The following ZNF341 variants were observed in gnomAD, a reference collection of about 807,000 sequenced individuals.
ZNF341 encodes zinc finger protein 341.
In ZNF341, 52 loss-of-function variants were observed where a neutral mutation model predicts 87.7. The ratio of observed to expected loss-of-function variants is 0.59; its 90% confidence interval spans 0.47 to 0.75. The LOEUF (loss-of-function observed/expected upper bound fraction) is 0.75, where lower values mean the gene tolerates loss of function less well. Among genes scored for constraint, ZNF341 ranks in the 30% least tolerant of loss-of-function variants. The probability of loss-of-function intolerance (pLI) is 0.00; values close to 1 mark genes in which losing one functional copy is unlikely to be tolerated. For synonymous variants in ZNF341, 459 were observed against 472.7 expected, an observed-to-expected ratio of 0.97 and a Z score of 0.38; for missense variants, 977 against 1,145.9, an observed-to-expected ratio of 0.85 and a Z score of 2.13.
intron 2 of ZNF341, among the ~76,000 whole-genome samples, chr20:33,741,229 G>T (rs767579109): frequency 1.2e-3 from 177 of 152,140 alleles, no homozygotes; most frequent in Non-Finnish European, 1.9e-3. Context: ...CTTAGTAAAT[G>T]TGGGGAGATG....
rs986511677 is a variant in ZNF341 at position 33,769,587 on chromosome 20, C to T, written c.1414-497C>T. ...GGGAAGGGTAATAGGGCCATCACGACTGGCTGAGAGGAGGGAACCCTCTAA... is the reference window on the plus strand; with the variant it reads ...GGGAAGGGTAATAGGGCCATCACGATTGGCTGAGAGGAGGGAACCCTCTAA... On this transcript the variant is annotated intron_variant, in intron 9 of 14. Coordinates refer to ENST00000375200, the MANE Select transcript of ZNF341 (RefSeq NM_001282933.2). Among the ~76,000 whole-genome samples the T allele has an allele frequency of 3.9e-5, 6 of 152,168 alleles. No individual in the cohort carries two copies. The South Asian group carries it at 1.2e-3, about 31-fold the overall frequency.
chr20:33,739,593 T>C (rs2626530), intron 1 of ZNF341, among the ~76,000 whole-genome samples: 93,191 of 152,114 alleles, frequency 0.61, 30,350 homozygotes, highest in East Asian at 0.93. Context: ...ACAAAAAAGA[T>C]AGACACACAT....
intron 12 of ZNF341, chr20:33,787,373 T>C (rs2042506884): frequency 6.6e-6 from 1 of 152,268 alleles, no homozygotes; most frequent in South Asian, 2.1e-4. Flanking sequence ...GAAACACAGA[T>C]TGACCTTTTT....
rs2018576367 is a variant in ZNF341, at chr20:33,732,103, C to T, written c.31+51C>T. On this transcript the variant is annotated intron_variant, in intron 1 of 14. Transcript: ENST00000375200. This position sits in a 1 kb window ranked among gnomAD's most constrained non-coding sequence, Gnocchi z 4.5. ...GCGGCTGTTCCGCGCTGCGCCCCCT[C>T]CCGCCGCGCCCTCGCAGCGCCCGGC... The T allele has an allele frequency of 2.6e-6, 3 of 1,172,844 alleles. No individual in the cohort carries two copies. The South Asian group carries it at 1.2e-4, about 49-fold the overall frequency. The allele number at this position is 1,172,844 out of a possible 1,614,324, so 72.7% of individuals were successfully genotyped here.
At chr20:33,736,635 G>A (rs1181491229) in intron 1 of ZNF341, among the ~76,000 whole-genome samples, 2 of 152,078 alleles carry the variant, frequency 1.3e-5, no homozygotes, top group Admixed American at 1.3e-4. Context: ...GACTACAGGT[G>A]CGTGCCTCCA....
At position 33,790,959 on chromosome 20, in the gene ZNF341, CT is replaced by C. The variant is rs754495568; in HGVS notation, c.2036-27del. On this transcript the variant is annotated intron_variant, in intron 14 of 14. Coordinates refer to ENST00000375200, the MANE Select transcript of ZNF341 (RefSeq NM_001282933.2). ...CTGTTGCGGGGTGAAGGTCTGGATG[CT>C]TCTCACTGACTTTCCCTTGCCCTCC... The C allele has an allele frequency of 1.9e-6, 3 of 1,590,922 alleles. No homozygotes were observed. In the Admixed American group the frequency reaches 5.1e-5, roughly 27 times the overall value.
chr20:33,773,378 G>A (rs1370520316), intron 10 of ZNF341, among the ~76,000 whole-genome samples: 2 of 152,128 alleles, frequency 1.3e-5, no homozygotes, highest in Non-Finnish European at 1.5e-5. Context: ...TGTAGACATT[G>A]GAGCTGTTGT....
intron 9 of ZNF341, among the ~76,000 whole-genome samples, chr20:33,769,808 G>T (rs144380952): frequency 0.02 from 3,103 of 152,316 alleles, 105 homozygotes; most frequent in African/African-American, 0.07. Context: ...CTACTGGGGA[G>T]GCTGAGGCAG....
intron 10 of ZNF341, among the ~76,000 whole-genome samples, chr20:33,775,588 G>A (rs1389124434): frequency 2.6e-5 from 4 of 151,248 alleles, no homozygotes; most frequent in Non-Finnish European, 4.4e-5. Context: ...ACTATCACAG[G>A]ACATAGAGTG....
At position 33,748,988 on chromosome 20, in the gene ZNF341, G is replaced by C; in HGVS notation, c.405G>C (p.Leu135Phe). Residue 135 changes from leucine to phenylalanine, a missense_variant, in exon 4 of 15, where the codon TTG (leucine) becomes TTC (phenylalanine). By Grantham distance (22) the Leu-to-Phe change is conservative (BLOSUM62 0). Coordinates refer to ENST00000375200, the MANE Select transcript of ZNF341 (RefSeq NM_001282933.2). ...LIQTLVQGNI[L>F]VSDDVLMSAM... Reference sequence around the variant, plus strand: ...AGACCCTGGTGCAGGGGAACATCTTGGTGAGCGATGATGTGCTCATGTCTG... The same window carrying C: ...AGACCCTGGTGCAGGGGAACATCTTCGTGAGCGATGATGTGCTCATGTCTG... 6.2e-7 allele frequency: 1 copy of C among 1,614,182 alleles called. No individual in the cohort carries two copies. The highest frequency in any genetic ancestry group is 2.2e-5 in the East Asian group (1 of 44,880).
intron 9 of ZNF341, among the ~76,000 whole-genome samples, chr20:33,768,489 C>G (rs56144975): frequency 0.037 from 5,562 of 151,838 alleles, 178 homozygotes; most frequent in Non-Finnish European, 0.067. Context: ...GTGGCTTCAT[C>G]TCAGCTCACT....
chr20:33,760,832 C>T (rs2019275177), intron 7 of ZNF341, among the ~76,000 whole-genome samples: 1 of 152,132 alleles, frequency 6.6e-6, no homozygotes, highest in East Asian at 1.9e-4. Context: ...GTGTGAGCCA[C>T]CATGCTGGGC....
At chr20:33,752,285 C>T (rs571140597) in intron 4 of ZNF341, 17 of 599,494 alleles carry the variant, frequency 2.8e-5, no homozygotes, top group Middle Eastern at 3.8e-4. Flanking sequence ...TCTGGACAAC[C>T]GCACACGGAT....
At chr20:33,746,613 ACT>A (rs1483438339) in intron 3 of ZNF341, among the ~76,000 whole-genome samples, 25 of 151,908 alleles carry the variant, frequency 1.6e-4, no homozygotes, top group Admixed American at 1.6e-3. Flanking sequence ...TTATCAGGTC[ACT>A]CTGGCTGCTG....
chr20:33,773,410 A>T (rs1330376663), intron 10 of ZNF341, among the ~76,000 whole-genome samples: 1 of 152,150 alleles, frequency 6.6e-6, no homozygotes. Flanking sequence ...AGTAAGGCCC[A>T]ATGAGCCAGG....
intron 8 of ZNF341, 117 bp downstream of exon 8, chr20:33,762,172 C>T: frequency 1.2e-6 from 1 of 850,002 alleles, no homozygotes; most frequent in Non-Finnish European, 1.7e-6. Context: ...CTTCAATCTA[C>T]CTTTATCTAT....
At position 33,758,783 on chromosome 20, in the gene ZNF341, T is replaced by C; in HGVS notation, c.1005T>C (p.Phe335=). The part of the protein sequence containing the change: ...SYCDKSFTKN[F]DLQQHIRSHT... ...GTGACAAGTCATTCACCAAAAACTTTGACCTGCAGCAGCACATCCGAAGGT... is the reference window on the plus strand; with the variant it reads ...GTGACAAGTCATTCACCAAAAACTTCGACCTGCAGCAGCACATCCGAAGGT... The change falls in exon 7 of 15, where the codon TTT becomes TTC. Residue 335 remains phenylalanine (F), a synonymous_variant. Transcript: ENST00000375200. 1.1e-5 allele frequency: 18 copies of C among 1,613,964 alleles called. No individual in the cohort carries two copies. Among genetic ancestry groups the C allele is most frequent in the Non-Finnish European group, 1.5e-5 (18 of 1,179,984 alleles).
Position 33,732,406 on chromosome 20 carries a change from T to C in ZNF341, c.31+354T>C, listed in dbSNP as rs542641145. On this transcript the variant is annotated intron_variant, in intron 1 of 14. Coordinates refer to ENST00000375200, the MANE Select transcript of ZNF341 (RefSeq NM_001282933.2). This position sits in a 1 kb window ranked among gnomAD's most constrained non-coding sequence, Gnocchi z 4.5. ...AACAGCCGCGGCCAGGGAGGCGGCT[T>C]GGCGGCGCGCGGGGCCCGGGACGGG... Among the ~76,000 whole-genome samples, 12 of 151,386 alleles carry C rather than the reference T, an allele frequency of 7.9e-5. No homozygotes were observed. The highest frequency in any genetic ancestry group is 2.9e-4 in the African/African-American group (12 of 41,182).
At chr20:33,778,275 GA>G (rs1214466747) in intron 10 of ZNF341, among the ~76,000 whole-genome samples, 2 of 151,806 alleles carry the variant, frequency 1.3e-5, no homozygotes, top group African/African-American at 4.8e-5. Flanking sequence ...TTGCTGCCTG[GA>G]GGCATTTAGT....
Sources: gnomAD v4.1 joint callset for allele counts (sites outside exome capture counted in the v4.1 genomes callset) on GRCh38, gnomAD v4.1.1 for gene constraint, Gnocchi (gnomAD v3.1) non-coding constraint, MANE v1.5 for transcripts, NCBI Gene and HGNC (gene_info 2026-07-23, HGNC 2026-07-21) for gene names.